YWHAB: variants seen among roughly 807,000 people sequenced by gnomAD.
The protein encoded by YWHAB is 14-3-3 protein beta/alpha.
A neutral mutation model predicts 28.5 loss-of-function variants in YWHAB; 2 were observed. That is an observed-to-expected ratio of 0.07 (90% CI 0.03 to 0.22). The LOEUF is 0.22. Among genes scored for constraint, YWHAB ranks in the 10% least tolerant of loss-of-function variants. YWHAB has a pLI of 1.00. For missense variants in YWHAB, 148 were observed against 297.1 expected (o/e 0.50, Z 3.69); for synonymous variants, 103 against 104.7 (o/e 0.98, Z 0.10).
At position 44,885,719 on chromosome 20, in the gene YWHAB, C is replaced by G. The variant is rs2066520727; in HGVS notation, c.-171C>G. ...GCGATCGGAGCGGAAGTGGAGCTAC[C>G]GCCACCGCCGCCGCCGATTCCGGAG... On this transcript the variant is annotated 5_prime_UTR_variant, in exon 1 of 6. Transcript: ENST00000353703. 6.4e-5 allele frequency: 11 copies of G among 172,170 alleles called. No homozygotes were observed. In the South Asian group the frequency reaches 1.3e-3, roughly 20 times the overall value. The allele number at this position is 172,170 out of a possible 1,614,324, so 10.7% of individuals were successfully genotyped here. A position where few individuals can be genotyped will look rare whatever the true frequency, so the allele number is the denominator to read the frequency against.
chr20:44,898,844 C>T (rs945406382), intron 1 of YWHAB, among the ~76,000 whole-genome samples: 3 of 150,644 alleles, frequency 2.0e-5, no homozygotes, highest in African/African-American at 2.4e-5. Context: ...AGGCCAAGTG[C>T]GGTGGCTCAC....
intron 4 of YWHAB, chr20:44,905,707 T>G (rs2066651933): frequency 3.9e-6 from 1 of 255,428 alleles, no homozygotes. Context: ...TCTTTGGTAA[T>G]TAAAAAATCA....
At chr20:44,896,387 G>C (rs1265528548) in intron 1 of YWHAB, among the ~76,000 whole-genome samples, 1 of 152,168 alleles carries the variant, frequency 6.6e-6, no homozygotes, top group Admixed American at 6.5e-5. Context: ...CTTGTATGCA[G>C]AGTAAATTTG....
At chr20:44,890,278 G>T (rs1356098341) in intron 1 of YWHAB, among the ~76,000 whole-genome samples, 1 of 152,142 alleles carries the variant, frequency 6.6e-6, no homozygotes, top group Admixed American at 6.5e-5. Context: ...AATGTATAGT[G>T]TTGCTCCTGA....
chr20:44,906,299 TGA>T, intron 5 of YWHAB, 81 bp from the exon 6 acceptor site: 1 of 1,407,578 alleles, frequency 7.1e-7, no homozygotes, highest in Non-Finnish European at 1.0e-6. Flanking sequence ...AACTGTCGAG[TGA>T]GATAAGATTA....
intron 1 of YWHAB, among the ~76,000 whole-genome samples, chr20:44,899,061 G>C (rs1157873198): frequency 6.6e-6 from 1 of 152,154 alleles, no homozygotes; most frequent in Non-Finnish European, 1.5e-5. Flanking sequence ...GCAGTGAGCC[G>C]AGGTTGCGTC....
At chr20:44,889,373 G>T (rs1307056791) in intron 1 of YWHAB, among the ~76,000 whole-genome samples, 3 of 152,152 alleles carry the variant, frequency 2.0e-5, no homozygotes, top group Non-Finnish European at 4.4e-5. Flanking sequence ...TTTTCTAATA[G>T]AGGTGTGGTT....
At chr20:44,900,616 TACTC>T (rs1458875690) in intron 1 of YWHAB, among the ~76,000 whole-genome samples, 1 of 152,208 alleles carries the variant, frequency 6.6e-6, no homozygotes, top group East Asian at 1.9e-4. Context: ...ACATCATACT[TACTC>T]TTTCCTGTAC....
intron 1 of YWHAB, chr20:44,886,733 G>A (rs759271339): frequency 2.6e-5 from 4 of 152,242 alleles, no homozygotes; most frequent in African/African-American, 4.8e-5. Flanking sequence ...GAGGTGGGAA[G>A]GTGAGTGCAT....
At chr20:44,906,119 T>A in intron 5 of YWHAB, 23 bp downstream of exon 5, 1 of 1,365,356 alleles carries the variant, frequency 7.3e-7, no homozygotes, top group Non-Finnish European at 1.0e-6. Flanking sequence ...TCCACAGGGT[T>A]TATAGTCTCT....
intron 5 of YWHAB, 60 bp from the exon 6 acceptor site, chr20:44,906,322 G>T (rs2066655697): frequency 8.4e-6 from 13 of 1,542,084 alleles, no homozygotes; most frequent in Non-Finnish European, 1.2e-5. Flanking sequence ...TACATACTGG[G>T]CCACTTACCT....
At chr20:44,888,624 C>T (rs1206747627) in intron 1 of YWHAB, among the ~76,000 whole-genome samples, 4 of 152,114 alleles carry the variant, frequency 2.6e-5, no homozygotes. Flanking sequence ...ATAAAGTAAA[C>T]GTTTGAATGG....
chr20:44,890,356 A>C (rs1327768042), intron 1 of YWHAB, among the ~76,000 whole-genome samples: 3 of 152,240 alleles, frequency 2.0e-5, no homozygotes, highest in African/African-American at 7.2e-5. Flanking sequence ...TTTATAGGTC[A>C]GATGTGTGCT....
Position 44,908,309 on chromosome 20 carries a change from C to T in YWHAB, c.*1871C>T, listed in dbSNP as rs2066672511. On this transcript the variant is annotated 3_prime_UTR_variant, in exon 6 of 6. Transcript: ENST00000353703. ...TCTTTTCTTGCTTTGTTTTTTCTTA[C>T]CAGTATTCTGCCTAACGTTTGCTTC... The T allele has an allele frequency of 1.3e-5, 2 of 152,466 alleles. No homozygotes were observed. Among genetic ancestry groups the T allele is most frequent in the Non-Finnish European group, 2.9e-5 (2 of 68,020 alleles). 9.4% of individuals were successfully genotyped at this position (152,466 alleles called of 1,614,324 possible). A position where few individuals can be genotyped will look rare whatever the true frequency, so the allele number is the denominator to read the frequency against.
At position 44,900,350 on chromosome 20, in the gene YWHAB, C is replaced by T. The variant is rs1012175687; in HGVS notation, c.-3-1181C>T. 2.6e-5 allele frequency among the ~76,000 whole-genome samples: 4 copies of T among 152,110 alleles called. No homozygotes were observed. In the South Asian group the frequency reaches 6.2e-4, roughly 24 times the overall value. ...AGTGTTCTTATTGCCCAGTAGAGAC[C>T]GAAGCTCTCAGGTTAAGTGATTTAA... is the stretch of plus-strand genomic sequence containing the variant. On this transcript the variant is annotated intron_variant, in intron 1 of 5. Coordinates refer to ENST00000353703, the MANE Select transcript of YWHAB (RefSeq NM_139323.4).
At chr20:44,896,879 G>A (rs377384303) in intron 1 of YWHAB, among the ~76,000 whole-genome samples, 2 of 152,326 alleles carry the variant, frequency 1.3e-5, no homozygotes, top group African/African-American at 4.8e-5. Context: ...GTAGCCATCA[G>A]GACCTTTAGC....
chr20:44,893,339 A>G (rs1009036411), intron 1 of YWHAB, among the ~76,000 whole-genome samples: 23 of 152,186 alleles, frequency 1.5e-4, no homozygotes, highest in African/African-American at 5.3e-4. Context: ...TATTTTTCAT[A>G]GCTGTTTATC....
At chr20:44,890,342 G>A (rs1234768727) in intron 1 of YWHAB, among the ~76,000 whole-genome samples, 1 of 152,122 alleles carries the variant, frequency 6.6e-6, no homozygotes, top group Admixed American at 6.5e-5. Context: ...AAAACAGTCT[G>A]TATTTTATAG....
chr20:44,897,944 ACT>A (rs2066605291), intron 1 of YWHAB, among the ~76,000 whole-genome samples: 1 of 151,062 alleles, frequency 6.6e-6, no homozygotes, highest in Non-Finnish European at 1.5e-5. Flanking sequence ...GCTGACAAAA[ACT>A]CTACAGTTGC....
Sources: gnomAD v4.1 joint callset for allele counts (sites outside exome capture counted in the v4.1 genomes callset) on GRCh38, gnomAD v4.1.1 for gene constraint, MANE v1.5 for transcripts, NCBI Gene and HGNC (gene_info 2026-07-23, HGNC 2026-07-21) for gene names.